Variants in NPAS3 observed in about 807,000 individuals in gnomAD.
NPAS3 encodes the protein neuronal PAS domain protein 3.
In NPAS3, 14 loss-of-function variants were observed where a neutral mutation model predicts 73.1. The ratio of observed to expected loss-of-function variants is 0.19; its 90% confidence interval spans 0.13 to 0.30. The LOEUF (loss-of-function observed/expected upper bound fraction) is 0.30. NPAS3 is among the 10% of genes least tolerant of loss of function. The probability of loss-of-function intolerance (pLI) is 1.00; values close to 1 mark genes in which losing one functional copy is unlikely to be tolerated. For missense variants in NPAS3, 1,096 were observed against 1,250.0 expected, an observed-to-expected ratio of 0.88 and a Z score of 1.86; for synonymous variants, 620 against 541.5, an observed-to-expected ratio of 1.14 and a Z score of -2.01.
intron 4 of NPAS3, among the ~76,000 whole-genome samples, chr14:33,506,699 A>G (rs2052780450): frequency 6.6e-6 from 1 of 152,060 alleles, no homozygotes; most frequent in African/African-American, 2.4e-5. Flanking sequence ...TTAACTCTTT[A>G]TTGTGATTAT....
intron 4 of NPAS3, among the ~76,000 whole-genome samples, chr14:33,539,538 A>G (rs1247748920): frequency 6.6e-6 from 1 of 152,088 alleles, no homozygotes; most frequent in Non-Finnish European, 1.5e-5. Flanking sequence ...CACTGACGAA[A>G]GACTGGAGCA....
chr14:33,709,150 G>A (rs983514590), intron 6 of NPAS3, among the ~76,000 whole-genome samples: 6 of 152,226 alleles, frequency 3.9e-5, no homozygotes, highest in East Asian at 3.9e-4. Flanking sequence ...GCCTGCCTGC[G>A]GCACATAACT....
At chr14:33,278,981 ACTATG>A (rs33961005) in intron 3 of NPAS3, among the ~76,000 whole-genome samples, 66,163 of 151,670 alleles carry the variant, frequency 0.44, 15,598 homozygotes, top group African/African-American at 0.62. Context: ...CCACGAAATA[ACTATG>A]CTGTAAATAT....
chr14:33,609,486 A>T (rs1462973864), intron 5 of NPAS3, among the ~76,000 whole-genome samples: 3 of 152,006 alleles, frequency 2.0e-5, no homozygotes, highest in Non-Finnish European at 4.4e-5. Context: ...TTTGTACATT[A>T]TCATAGGTTC....
intron 2 of NPAS3, among the ~76,000 whole-genome samples, chr14:33,201,300 G>GGTGTGTGTGTGTGTGTGTGTGTGT (rs34700439): frequency 0.023 from 3,494 of 150,970 alleles, 56 homozygotes; most frequent in Middle Eastern, 0.048. Context: ...CCCTAACAAT[G>GGTGTGTGTGTGTGTGTGTGTGTGT]GTGTGTGTGT....
intron 2 of NPAS3, among the ~76,000 whole-genome samples, chr14:33,064,912 C>T (rs987046739): frequency 2.6e-5 from 4 of 151,942 alleles, no homozygotes; most frequent in African/African-American, 7.3e-5. Context: ...ATGTCTGGGA[C>T]GAGGTGTTCT....
intron 9 of NPAS3, among the ~76,000 whole-genome samples, chr14:33,784,585 C>T (rs557656800): frequency 6.6e-6 from 1 of 152,212 alleles, no homozygotes; most frequent in Non-Finnish European, 1.5e-5. Context: ...AACACAAACA[C>T]ATGATCTTTT....
chr14:33,204,161 T>G (rs1291979344), intron 2 of NPAS3, among the ~76,000 whole-genome samples: 1 of 152,204 alleles, frequency 6.6e-6, no homozygotes, highest in African/African-American at 2.4e-5. Flanking sequence ...GAAGACTTAG[T>G]TCCTGAGTAA....
At chr14:33,131,647 A>C (rs1234287046) in intron 2 of NPAS3, among the ~76,000 whole-genome samples, 1 of 151,920 alleles carries the variant, frequency 6.6e-6, no homozygotes, top group African/African-American at 2.4e-5. Flanking sequence ...AATACGGCAA[A>C]CTCATCCTAG....
At chr14:33,404,081 G>A (rs192506445) in intron 4 of NPAS3, among the ~76,000 whole-genome samples, 44 of 152,228 alleles carry the variant, frequency 2.9e-4, no homozygotes, top group African/African-American at 1.0e-3. Flanking sequence ...GGAGACCAAG[G>A]GAAATAGTAA....
At chr14:33,438,410 TG>T (rs1387653056) in intron 4 of NPAS3, among the ~76,000 whole-genome samples, 1 of 152,104 alleles carries the variant, frequency 6.6e-6, no homozygotes, top group African/African-American at 2.4e-5. Flanking sequence ...CCTGGCCGAA[TG>T]GGGGAAGCAC....
intron 4 of NPAS3, among the ~76,000 whole-genome samples, chr14:33,556,800 C>T (rs1339432269): frequency 6.6e-6 from 1 of 152,160 alleles, no homozygotes; most frequent in African/African-American, 2.4e-5. Context: ...GGAGATTATC[C>T]CCACACCAGC....
At chr14:33,502,316 T>C (rs2052556852) in intron 4 of NPAS3, among the ~76,000 whole-genome samples, 1 of 151,700 alleles carries the variant, frequency 6.6e-6, no homozygotes. Flanking sequence ...TTTTCTTCTC[T>C]CCTCCCAGTG....
At chr14:33,447,306 G>A (rs1379613679) in intron 4 of NPAS3, among the ~76,000 whole-genome samples, 1 of 152,218 alleles carries the variant, frequency 6.6e-6, no homozygotes, top group African/African-American at 2.4e-5. Context: ...AAACACAGAA[G>A]AGCATGTTGT....
At chr14:33,693,728 A>C (rs866084614) in intron 6 of NPAS3, among the ~76,000 whole-genome samples, 1 of 152,368 alleles carries the variant, frequency 6.6e-6, no homozygotes, top group Non-Finnish European at 1.5e-5. Flanking sequence ...TAGTTAAAAA[A>C]TATTGTTTTC....
chr14:33,016,459 T>C (rs2039396542), intron 1 of NPAS3, among the ~76,000 whole-genome samples: 1 of 152,042 alleles, frequency 6.6e-6, no homozygotes, highest in African/African-American at 2.4e-5. Flanking sequence ...GGCCTGTGGA[T>C]ATGGGAGGCT....
intron 2 of NPAS3, among the ~76,000 whole-genome samples, chr14:33,104,822 G>T (rs1168838659): frequency 1.3e-5 from 2 of 152,270 alleles, no homozygotes; most frequent in African/African-American, 2.4e-5. Context: ...AATTGAGTAT[G>T]TTCTGCATTT....
At chr14:33,801,122 C>T (rs1305680555), downstream of NPAS3, 1 of 1,565,772 alleles carries the variant, frequency 6.4e-7, no homozygotes. Context: ...CGCCGCCCGT[C>T]CTGGGCCCGG....
intron 4 of NPAS3, among the ~76,000 whole-genome samples, chr14:33,489,960 A>T (rs868556830): frequency 8.5e-5 from 13 of 152,200 alleles, no homozygotes; most frequent in Admixed American, 2.0e-4. Flanking sequence ...TCATAGCAAA[A>T]GGTTGTAGTA....
Sources: gnomAD v4.1 joint callset for allele counts (sites outside exome capture counted in the v4.1 genomes callset) on GRCh38, gnomAD v4.1.1 for gene constraint, MANE v1.5 for transcripts, NCBI Gene and HGNC (gene_info 2026-07-23, HGNC 2026-07-21) for gene names.